Variants in IL1RAPL2 observed in about 807,000 individuals in gnomAD.
The protein encoded by IL1RAPL2 is X-linked interleukin-1 receptor accessory protein-like 2.
Under a neutral mutation model 44.1 loss-of-function variants are expected in IL1RAPL2, and 3 were observed. That is an observed-to-expected ratio of 0.07 (90% confidence interval 0.03 to 0.18). The LOEUF (loss-of-function observed/expected upper bound fraction) is 0.18. Among genes scored for constraint, IL1RAPL2 ranks in the 10% least tolerant of loss-of-function variants. The pLI, the probability that IL1RAPL2 is intolerant of heterozygous loss-of-function variation, is 1.00. For synonymous variants in IL1RAPL2, 181 were observed against 178.8 expected, an observed-to-expected ratio of 1.01 and a Z score of -0.10; for missense variants, 391 against 496.4, an observed-to-expected ratio of 0.79 and a Z score of 2.02.
intron 2 of IL1RAPL2, among the ~76,000 whole-genome samples, chrX:105,122,587 T>C (rs1431412681): frequency 9.0e-6 from 1 of 111,426 alleles, no homozygotes; most frequent in African/African-American, 3.3e-5. Context: ...TGTTGGTTTC[T>C]GAATTAATTC....
At chrX:105,139,684 A>G (rs749766275) in intron 2 of IL1RAPL2, among the ~76,000 whole-genome samples, 1 of 111,446 alleles carries the variant, frequency 9.0e-6, no homozygotes, top group East Asian at 2.9e-4. Context: ...TAAGGGCACT[A>G]ATCCCATTCA....
At chrX:105,202,718 T>C (rs2033727992) in intron 3 of IL1RAPL2, among the ~76,000 whole-genome samples, 2 of 111,699 alleles carry the variant, frequency 1.8e-5, no homozygotes, top group South Asian at 7.5e-4. Flanking sequence ...TTATAATCAC[T>C]CCCATATACA....
chrX:105,124,579 T>C (rs933068552), intron 2 of IL1RAPL2, among the ~76,000 whole-genome samples: 2 of 110,651 alleles, frequency 1.8e-5, no homozygotes, highest in Non-Finnish European at 3.8e-5. Context: ...CCAGCTTTTC[T>C]AGTCTTCTTT....
At chrX:104,999,234 C>T (rs2030807235) in intron 2 of IL1RAPL2, among the ~76,000 whole-genome samples, 3 of 111,783 alleles carry the variant, frequency 2.7e-5, no homozygotes, top group Admixed American at 1.9e-4. Flanking sequence ...GACACACCAT[C>T]CATTGTAACA....
intron 2 of IL1RAPL2, among the ~76,000 whole-genome samples, chrX:104,807,676 C>T (rs974854580): frequency 9.0e-6 from 1 of 111,386 alleles, no homozygotes; most frequent in Non-Finnish European, 1.9e-5. Flanking sequence ...CTTTACCCAT[C>T]CATCTATAAA....
intron 2 of IL1RAPL2, among the ~76,000 whole-genome samples, chrX:104,727,293 A>G: frequency 9.0e-6 from 1 of 111,457 alleles, no homozygotes; most frequent in Non-Finnish European, 1.9e-5. Context: ...GTGAACAGAC[A>G]TTTTAAAAAC....
chrX:105,618,853 C>T (rs1303878932), intron 6 of IL1RAPL2, among the ~76,000 whole-genome samples: 1 of 111,287 alleles, frequency 9.0e-6, no homozygotes, highest in African/African-American at 3.3e-5. Flanking sequence ...CACAGAGTTG[C>T]GCGATCCAGA....
At chrX:105,099,328 T>C (rs1054644486) in intron 2 of IL1RAPL2, among the ~76,000 whole-genome samples, 12 of 110,617 alleles carry the variant, frequency 1.1e-4, no homozygotes, top group African/African-American at 4.0e-4. Flanking sequence ...TGTACAAGCA[T>C]AGTACAAACA....
intron 6 of IL1RAPL2, among the ~76,000 whole-genome samples, chrX:105,556,108 A>G (rs1469782288): frequency 9.0e-6 from 1 of 111,615 alleles, no homozygotes; most frequent in African/African-American, 3.2e-5. Flanking sequence ...ACCCTAATTT[A>G]GGATTGTGCC....
rs1337484040 is a variant in IL1RAPL2, at chrX:105,743,934, CA to C, written c.1048+3247del. 3.9e-4 allele frequency among the ~76,000 whole-genome samples: 43 copies of C among 111,678 alleles called. No homozygotes were observed. In the Admixed American group the frequency reaches 4.1e-3, roughly 11 times the overall value. ...GTTTACTTTCCAGGGTTCGCAAACT[CA>C]AAAGACCTCAGGTCCCAGGAAAATA... is the stretch of plus-strand genomic sequence containing the variant. On this transcript the variant is annotated intron_variant, in intron 8 of 10. Transcript: ENST00000372582.
intron 2 of IL1RAPL2, among the ~76,000 whole-genome samples, chrX:104,915,105 G>C (rs1924375593): frequency 9.0e-6 from 1 of 111,546 alleles, no homozygotes; most frequent in South Asian, 3.8e-4. Flanking sequence ...TGTGTCAAAT[G>C]GTATTTCTAG....
At chrX:105,336,029 C>T (rs929164609) in intron 5 of IL1RAPL2, among the ~76,000 whole-genome samples, 1 of 112,003 alleles carries the variant, frequency 8.9e-6, no homozygotes, top group African/African-American at 3.2e-5. Flanking sequence ...TTGAAACTTT[C>T]ATGGTTGTTA....
At chrX:105,118,027 G>C (rs2032880226) in intron 2 of IL1RAPL2, among the ~76,000 whole-genome samples, 1 of 111,684 alleles carries the variant, frequency 9.0e-6, no homozygotes, top group African/African-American at 3.3e-5. Flanking sequence ...CTTTTAAACT[G>C]TCTCTGTTAG....
chrX:105,733,185 A>G lies in IL1RAPL2; in HGVS notation c.903-7361A>G, dbSNP rs146300701. Among the ~76,000 whole-genome samples the G allele has an allele frequency of 8.9e-4, 99 of 111,197 alleles. No individual in the cohort carries two copies. In the East Asian group the frequency reaches 0.016, roughly 18 times the overall value. ...TTTATTTCAACACTTTAAATATTTC[A>G]CCCCACTCTCTTCTTGCTTGCATGA... On this transcript the variant is annotated intron_variant, in intron 7 of 10. Coordinates refer to ENST00000372582, the MANE Select transcript of IL1RAPL2 (RefSeq NM_017416.2).
chrX:105,335,679 C>T (rs1206705677), intron 5 of IL1RAPL2, among the ~76,000 whole-genome samples: 1 of 111,021 alleles, frequency 9.0e-6, no homozygotes, highest in Non-Finnish European at 1.9e-5. Context: ...TCTTTCCAGT[C>T]GACCACCTCA....
At chrX:104,580,398 C>T (rs1429331591) in intron 1 of IL1RAPL2, among the ~76,000 whole-genome samples, 1 of 112,856 alleles carries the variant, frequency 8.9e-6, no homozygotes, top group Non-Finnish European at 1.9e-5. Flanking sequence ...TCAGGCACGC[C>T]TGCTTTACAA....
intron 6 of IL1RAPL2, among the ~76,000 whole-genome samples, chrX:105,705,827 A>G (rs1376064113): frequency 9.0e-6 from 1 of 111,686 alleles, no homozygotes; most frequent in Non-Finnish European, 1.9e-5. Context: ...TGCCCATTGT[A>G]GATACTTGTT....
At chrX:105,594,983 C>CA (rs901805933) in intron 6 of IL1RAPL2, among the ~76,000 whole-genome samples, 2 of 111,602 alleles carry the variant, frequency 1.8e-5, no homozygotes, top group Admixed American at 9.6e-5. Flanking sequence ...CAAACCTTAG[C>CA]ATCACACAAT....
At chrX:105,327,349 CAGG>C (rs1409365332) in intron 5 of IL1RAPL2, among the ~76,000 whole-genome samples, 1 of 111,713 alleles carries the variant, frequency 9.0e-6, no homozygotes, top group Non-Finnish European at 1.9e-5. Flanking sequence ...CTTCTTTCTC[CAGG>C]AGAACTTCAG....
Sources: gnomAD v4.1 joint callset for allele counts (sites outside exome capture counted in the v4.1 genomes callset) on GRCh38, gnomAD v4.1.1 for gene constraint, MANE v1.5 for transcripts, NCBI Gene and HGNC (gene_info 2026-07-23, HGNC 2026-07-21) for gene names.